CSMD1: variants seen among roughly 807,000 people sequenced by gnomAD.
CSMD1 encodes CUB and Sushi multiple domains 1.
A neutral mutation model predicts 417.5 loss-of-function variants in CSMD1; 213 were observed. The ratio of observed to expected loss-of-function variants is 0.51; its 90% CI spans 0.46 to 0.57. The LOEUF (loss-of-function observed/expected upper bound fraction) is 0.57. Ranked by LOEUF, CSMD1 falls within the 20% of genes least tolerant of loss-of-function variation. The pLI is 0.00. For synonymous variants in CSMD1, 2,862 were observed against 1,736.8 expected, an observed-to-expected ratio of 1.65 and a Z score of -16.11; for missense variants, 6,923 against 4,529.7, an observed-to-expected ratio of 1.53 and a Z score of -15.17.
At chr8:4,895,752 C>A (rs1019887572) in intron 1 of CSMD1, among the ~76,000 whole-genome samples, 6 of 151,896 alleles carry the variant, frequency 4.0e-5, no homozygotes. Context: ...TAGTAATTAA[C>A]CAAAGATATT....
Position 3,458,872 on chromosome 8 carries a change from G to C in CSMD1, c.1561+9840C>G, listed in dbSNP as rs188994604. Among the ~76,000 whole-genome samples the C allele has an allele frequency of 3.0e-3, 457 of 152,270 alleles. 2 individuals carry two copies. Among genetic ancestry groups the C allele is most frequent in the Non-Finnish European group, 5.6e-3 (381 of 68,020 alleles). ...ACTCGAGGACACACAAAACACTCTA[G>C]GAAAACTGTTACCTTAGCTAAAAAG... On this transcript the variant is annotated intron_variant, in intron 12 of 69. Coordinates refer to ENST00000635120, the MANE Select transcript of CSMD1 (RefSeq NM_033225.6).
In CSMD1 at chr8:2,966,728, G is replaced by A; in HGVS notation, c.8942C>T (p.Pro2981Leu). 1 of 1,613,584 alleles carries A rather than the reference G, an allele frequency of 6.2e-7. No individual in the cohort carries two copies. The highest frequency in any genetic ancestry group is 8.5e-7 in the Non-Finnish European group (1 of 1,179,740). Residue 2981 changes from proline (P) to leucine (L), a missense_variant, in exon 58 of 70, where the codon CCT becomes CTT. Coordinates refer to ENST00000635120, the MANE Select transcript of CSMD1 (RefSeq NM_033225.6). The stretch of plus-strand genomic sequence containing the variant: ...AATCATTCCGTTGGTGGGTGTGCCA[G>A]GGTTGCCACAGGACACGGCTGTTAG... ...PVCEAVSCGN[P>L]GTPTNGMIVS...
chr8:3,729,416 G>A (rs1017238322), intron 6 of CSMD1, among the ~76,000 whole-genome samples: 2 of 152,132 alleles, frequency 1.3e-5, no homozygotes, highest in African/African-American at 2.4e-5. Flanking sequence ...ACAACTCTCT[G>A]CATGTTAAAA....
At chr8:3,487,705 G>C (rs886558821) in intron 11 of CSMD1, among the ~76,000 whole-genome samples, 3 of 152,126 alleles carry the variant, frequency 2.0e-5, no homozygotes, top group African/African-American at 7.2e-5. Context: ...TTGTCAAGAA[G>C]GCGGGTCCCT....
intron 3 of CSMD1, among the ~76,000 whole-genome samples, chr8:4,252,239 C>T (rs575965145): frequency 6.6e-6 from 1 of 152,286 alleles, no homozygotes; most frequent in South Asian, 2.1e-4. Flanking sequence ...GTTTTCCTTT[C>T]CGTTCCTGGC....
intron 2 of CSMD1, among the ~76,000 whole-genome samples, chr8:4,600,556 T>C (rs889555046): frequency 6.6e-6 from 1 of 152,238 alleles, no homozygotes; most frequent in Admixed American, 6.5e-5. Context: ...ATTATAACTA[T>C]TTCCTGATGT....
At chr8:3,619,525 G>C (rs750433209) in intron 7 of CSMD1, among the ~76,000 whole-genome samples, 1 of 152,008 alleles carries the variant, frequency 6.6e-6, no homozygotes, top group East Asian at 1.9e-4. Context: ...AACAATTATA[G>C]ATATGAATTT....
intron 2 of CSMD1, among the ~76,000 whole-genome samples, chr8:4,427,589 GGA>G (rs766118067): frequency 1.2e-4 from 18 of 151,990 alleles, no homozygotes; most frequent in Non-Finnish European, 1.9e-4. Flanking sequence ...GCCATCATTT[GGA>G]GAGAGACTCG....
chr8:4,160,432 A>C (rs753030173), intron 3 of CSMD1, among the ~76,000 whole-genome samples: 1 of 152,184 alleles, frequency 6.6e-6, no homozygotes, highest in Non-Finnish European at 1.5e-5. Flanking sequence ...AATAGTCCAG[A>C]ATAAAGAATA....
At chr8:4,085,810 G>A (rs1480370576) in intron 3 of CSMD1, among the ~76,000 whole-genome samples, 1 of 152,162 alleles carries the variant, frequency 6.6e-6, no homozygotes, top group East Asian at 1.9e-4. Flanking sequence ...ACACCATGAA[G>A]CTTCCTGATA....
At chr8:4,650,326 C>T (rs966206470) in intron 1 of CSMD1, among the ~76,000 whole-genome samples, 4 of 120,438 alleles carry the variant, frequency 3.3e-5, no homozygotes, top group Non-Finnish European at 6.3e-5. Flanking sequence ...GCCTGGGCAG[C>T]AGTACGAGAC....
chr8:4,013,745 G>C (rs1471664452), intron 4 of CSMD1, among the ~76,000 whole-genome samples: 1 of 152,266 alleles, frequency 6.6e-6, no homozygotes, highest in Admixed American at 6.5e-5. Flanking sequence ...ATAGCTTGTG[G>C]GTTACATTCA....
At chr8:4,813,453 G>C (rs139240925) in intron 1 of CSMD1, among the ~76,000 whole-genome samples, 161 of 152,174 alleles carry the variant, frequency 1.1e-3, no homozygotes, top group Non-Finnish European at 1.9e-3. Context: ...ATTCTTCCTA[G>C]ATACAACAGA....
intron 3 of CSMD1, among the ~76,000 whole-genome samples, chr8:4,365,117 G>A (rs1051869287): frequency 3.9e-5 from 6 of 152,128 alleles, no homozygotes; most frequent in African/African-American, 7.2e-5. Flanking sequence ...CTTTAAGTGT[G>A]TAGACATATA....
intron 3 of CSMD1, among the ~76,000 whole-genome samples, chr8:4,085,350 C>T (rs937847945): frequency 6.6e-6 from 1 of 152,028 alleles, no homozygotes; most frequent in Admixed American, 6.6e-5. Flanking sequence ...TGGCATCTCA[C>T]AACTCAAAGA....
At chr8:4,076,483 T>C (rs1799828481) in intron 3 of CSMD1, among the ~76,000 whole-genome samples, 1 of 152,192 alleles carries the variant, frequency 6.6e-6, no homozygotes, top group Admixed American at 6.5e-5. Flanking sequence ...GTGATGTTTT[T>C]GAATTCATTA....
At chr8:3,257,343 C>G (rs1800730227) in intron 26 of CSMD1, among the ~76,000 whole-genome samples, 1 of 152,218 alleles carries the variant, frequency 6.6e-6, no homozygotes, top group Admixed American at 6.5e-5. Flanking sequence ...CAGAAAACTT[C>G]TGAGTGCCTA....
At chr8:3,019,770 T>C (rs991985926) in intron 51 of CSMD1, among the ~76,000 whole-genome samples, 1 of 152,200 alleles carries the variant, frequency 6.6e-6, no homozygotes, top group Non-Finnish European at 1.5e-5. Context: ...ATATTCTTAC[T>C]ACACCACTGA....
rs984552310 is a variant in CSMD1 at position 3,108,544 on chromosome 8, C to T, written c.6754+59G>A. On this transcript the variant is annotated intron_variant, in intron 44 of 69. Transcript: ENST00000635120. ...GCTGGAAACAAGGCGTGGGACAACACTGCAGGAAACACCACATGGAATTCT... is the reference window on the plus strand; with the variant it reads ...GCTGGAAACAAGGCGTGGGACAACATTGCAGGAAACACCACATGGAATTCT... The T allele has an allele frequency of 2.0e-5, 32 of 1,562,894 alleles. No individual in the cohort carries two copies. In the African/African-American group the frequency reaches 3.8e-4, roughly 19 times the overall value.
Sources: allele counts gnomAD v4.1 joint callset (sites outside exome capture counted in the v4.1 genomes callset), GRCh38; gene constraint gnomAD v4.1.1; transcripts MANE v1.5; gene names NCBI Gene and HGNC (gene_info 2026-07-23, HGNC 2026-07-21).